KCNG3: variants seen among roughly 807,000 people sequenced by gnomAD.
KCNG3 encodes potassium voltage-gated channel modifier subfamily G member 3, also known as voltage-gated potassium channel regulatory subunit KCNG3.
Under a neutral mutation model 29.0 loss-of-function variants are expected in KCNG3, and 15 were observed. The ratio of observed to expected loss-of-function variants is 0.52; its 90% CI spans 0.35 to 0.80. KCNG3 has a LOEUF of 0.80. Among genes scored for constraint, KCNG3 ranks in the 30% least tolerant of loss-of-function variants. KCNG3 has a pLI of 0.01. For synonymous variants in KCNG3, 322 were observed against 248.9 expected (o/e 1.29, Z -2.76); for missense variants, 512 against 605.7 (o/e 0.85, Z 1.62).
chr2:42,464,221 C>A (rs1449735366), intron 1 of KCNG3, among the ~76,000 whole-genome samples: 2 of 152,146 alleles, frequency 1.3e-5, no homozygotes, highest in South Asian at 4.1e-4. Context: ...AACATTAGGA[C>A]AATGATACTT....
At chr2:42,462,491 G>A (rs561948240) in intron 1 of KCNG3, among the ~76,000 whole-genome samples, 83 of 152,208 alleles carry the variant, frequency 5.5e-4, no homozygotes, top group Non-Finnish European at 9.6e-4. Flanking sequence ...AGACCAGCCT[G>A]GTCAACATGG....
In KCNG3 at chr2:42,491,249, A is replaced by T. The variant is rs556709125; in HGVS notation, c.665+1588T>A. On this transcript the variant is annotated intron_variant, in intron 1 of 1. Coordinates refer to ENST00000306078, the MANE Select transcript of KCNG3 (RefSeq NM_133329.6). ...ATGCATTTCTCTCATTTCTTTACAA[A>T]TGCTTTACATTAATGATCTCCATAT... Among the ~76,000 whole-genome samples, 10 of 152,004 alleles carry T rather than the reference A, an allele frequency of 6.6e-5. No homozygotes were observed. In the East Asian group the frequency reaches 1.5e-3, roughly 24 times the overall value.
At chr2:42,431,512 G>A in the KCNG3 span, among the ~76,000 whole-genome samples, 4 of 152,136 alleles carry the variant, frequency 2.6e-5, no homozygotes, top group Non-Finnish European at 5.9e-5. Flanking sequence ...TTAGAGAACT[G>A]TAAGTATTCA....
chr2:42,407,415 A>G, the KCNG3 span, among the ~76,000 whole-genome samples: 130 of 151,936 alleles, frequency 8.6e-4, 1 homozygote, highest in East Asian at 0.018. Flanking sequence ...TGTTCCTCCC[A>G]CCTTGGTGAT....
chr2:42,427,370 G>A, the KCNG3 span, among the ~76,000 whole-genome samples: 1 of 152,168 alleles, frequency 6.6e-6, no homozygotes, highest in African/African-American at 2.4e-5. Context: ...TTGGGAGGCT[G>A]AGGCAGGTGG....
chr2:42,417,551 G>A, the KCNG3 span, among the ~76,000 whole-genome samples: 1 of 152,162 alleles, frequency 6.6e-6, no homozygotes, highest in South Asian at 2.1e-4. Context: ...TGAAATCCTG[G>A]GCTCAAGTGA....
rs576389297 is a variant in KCNG3, at chr2:42,442,019, G to A, written c.*1915C>T. The A allele has an allele frequency of 3.9e-5, 6 of 151,900 alleles. No individual in the cohort carries two copies. In the South Asian group the frequency reaches 8.3e-4, roughly 21 times the overall value. 9.4% of individuals were successfully genotyped at this position (151,900 alleles called of 1,614,324 possible). On this transcript the variant is annotated 3_prime_UTR_variant, in exon 2 of 2. Transcript: ENST00000306078. ...AAGCGGTCCCAGTACCAGTAAAATT[G>A]ATGGTTATCATATTTTTATTAGTAA...
Position 42,443,895 on chromosome 2 carries a change from C to A in KCNG3, c.*39G>T, listed in dbSNP as rs376677978. The A allele has an allele frequency of 1.7e-5, 26 of 1,545,576 alleles. No homozygotes were observed. Among genetic ancestry groups the A allele is most frequent in the Non-Finnish European group, 2.2e-5 (25 of 1,142,054 alleles). Reference sequence around the variant, plus strand: ...CATAAATATGAAGCAGCATCAAAGTCTTTCTATGAAGTGTATGCAAGAATT... The same window carrying A: ...CATAAATATGAAGCAGCATCAAAGTATTTCTATGAAGTGTATGCAAGAATT... On this transcript the variant is annotated 3_prime_UTR_variant, in exon 2 of 2. Coordinates refer to ENST00000306078, the MANE Select transcript of KCNG3 (RefSeq NM_133329.6).
chr2:42,488,552 CTTTTTTTTT>C (rs111727996), intron 1 of KCNG3, among the ~76,000 whole-genome samples: 39 of 137,042 alleles, frequency 2.8e-4, no homozygotes, highest in Non-Finnish European at 5.1e-4. Context: ...ATTTTCTTTT[CTTTTTTTTT>C]TTTTTTGAGA....
chr2:42,452,142 T>C (rs1465074278), intron 1 of KCNG3, among the ~76,000 whole-genome samples: 1 of 150,730 alleles, frequency 6.6e-6, no homozygotes, highest in African/African-American at 2.4e-5. Context: ...AGTAGGTGTA[T>C]ATATTTATGG....
chr2:42,488,815 G>A (rs111986823), intron 1 of KCNG3, among the ~76,000 whole-genome samples: 15 of 152,136 alleles, frequency 9.9e-5, no homozygotes, highest in African/African-American at 3.6e-4. Context: ...CTCCCAAAGT[G>A]CTGGAATTAC....
At chr2:42,396,483 G>A in the KCNG3 span, among the ~76,000 whole-genome samples, 1 of 152,068 alleles carries the variant, frequency 6.6e-6, no homozygotes, top group East Asian at 1.9e-4. Flanking sequence ...AAACAGTCAG[G>A]GAATGACAAA....
chr2:42,448,861 C>T (rs1312104207), intron 1 of KCNG3, among the ~76,000 whole-genome samples: 1 of 151,984 alleles, frequency 6.6e-6, no homozygotes, highest in Non-Finnish European at 1.5e-5. Context: ...GCCTGTAGTC[C>T]CAGCTACTTG....
the KCNG3 span, among the ~76,000 whole-genome samples, chr2:42,397,900 C>A: frequency 6.6e-6 from 1 of 152,152 alleles, no homozygotes; most frequent in Admixed American, 6.6e-5. Context: ...TTAATTCTCA[C>A]AACTCTAACA....
chr2:42,454,093 CAA>C (rs11322972), intron 1 of KCNG3, among the ~76,000 whole-genome samples: 296 of 134,854 alleles, frequency 2.2e-3, no homozygotes, highest in Middle Eastern at 3.9e-3. Context: ...GCTACTATAC[CAA>C]AAAAAAAAAA....
the KCNG3 span, among the ~76,000 whole-genome samples, chr2:42,405,467 C>T: frequency 3.3e-5 from 5 of 149,602 alleles, no homozygotes; most frequent in African/African-American, 1.2e-4. Context: ...GAGACGGCGT[C>T]TCACTCTGTT....
chr2:42,447,270 GTATA>G (rs531570746), intron 1 of KCNG3, among the ~76,000 whole-genome samples: 15 of 150,144 alleles, frequency 1.0e-4, no homozygotes, highest in South Asian at 2.2e-4. Flanking sequence ...GTACATACAT[GTATA>G]TATATATACA....
At chr2:42,468,832 G>A (rs35821754) in intron 1 of KCNG3, among the ~76,000 whole-genome samples, 39,445 of 151,166 alleles carry the variant, frequency 0.26, 5,838 homozygotes, top group East Asian at 0.56. Flanking sequence ...GCAGGCACCT[G>A]TAATCTCAAC....
chr2:42,454,266 T>C (rs180716085), intron 1 of KCNG3, among the ~76,000 whole-genome samples: 11 of 152,202 alleles, frequency 7.2e-5, no homozygotes, highest in South Asian at 2.1e-4. Flanking sequence ...TCCAAAAAAA[T>C]TGAAAGCAGG....
Sources: allele counts gnomAD v4.1 joint callset (sites outside exome capture counted in the v4.1 genomes callset), GRCh38; gene constraint gnomAD v4.1.1; transcripts MANE v1.5; gene names NCBI Gene and HGNC (gene_info 2026-07-23, HGNC 2026-07-21).